C1QTNF3: variants seen among roughly 807,000 people sequenced by gnomAD.
C1QTNF3 encodes the protein C1q and TNF related 3, also known as complement C1q tumor necrosis factor-related protein 3.
In C1QTNF3, 26 loss-of-function variants were observed where a neutral mutation model predicts 32.6. The observed-to-expected ratio is 0.80, with a 90% confidence interval of 0.58 to 1.11. The LOEUF (loss-of-function observed/expected upper bound fraction) is 1.11. C1QTNF3 is among the 50% of genes least tolerant of loss of function. C1QTNF3 has a pLI of 0.00. For synonymous variants in C1QTNF3, 155 were observed against 146.0 expected (o/e 1.06, Z -0.44); for missense variants, 362 against 398.2 (o/e 0.91, Z 0.77).
At chr5:34,114,431 A>G in the C1QTNF3 span, among the ~76,000 whole-genome samples, 7 of 152,286 alleles carry the variant, frequency 4.6e-5, no homozygotes, top group East Asian at 1.3e-3. Context: ...TCAGTCTCAT[A>G]TTTTGTTTCA....
the C1QTNF3 span, among the ~76,000 whole-genome samples, chr5:34,231,008 A>C: frequency 6.6e-6 from 1 of 152,106 alleles, no homozygotes; most frequent in South Asian, 2.1e-4. Flanking sequence ...GCTCAATTTC[A>C]ATCAGCTACT....
the C1QTNF3 span, among the ~76,000 whole-genome samples, chr5:34,075,002 T>C: frequency 6.6e-6 from 1 of 151,886 alleles, no homozygotes; most frequent in African/African-American, 2.4e-5. Flanking sequence ...CTGCATTCAA[T>C]TTAAACCTGT....
the C1QTNF3 span, chr5:34,219,877 T>C: frequency 6.6e-6 from 1 of 152,146 alleles, no homozygotes; most frequent in Non-Finnish European, 1.5e-5. Context: ...GGGGCTATAC[T>C]AATAAACAAG....
chr5:34,208,652 GTC>G, the C1QTNF3 span, among the ~76,000 whole-genome samples: 1 of 151,788 alleles, frequency 6.6e-6, no homozygotes, highest in South Asian at 2.1e-4. Context: ...TCCCAAAATT[GTC>G]TCTCAAAATA....
the C1QTNF3 span, among the ~76,000 whole-genome samples, chr5:34,153,846 T>A: frequency 1.6e-5 from 1 of 62,652 alleles, no homozygotes; most frequent in Non-Finnish European, 3.3e-5. Context: ...CCCTAAAACT[T>A]AGAGTATAAA....
chr5:34,164,358 C>G, the C1QTNF3 span, among the ~76,000 whole-genome samples: 1 of 152,054 alleles, frequency 6.6e-6, no homozygotes, highest in African/African-American at 2.4e-5. Context: ...TAGAATAAAA[C>G]ATCATCTTTC....
the C1QTNF3 span, among the ~76,000 whole-genome samples, chr5:34,056,454 G>GTATATATATATATA: frequency 1.0e-4 from 5 of 48,962 alleles, no homozygotes; most frequent in East Asian, 9.8e-4. Context: ...GTGTGTGTGT[G>GTATATATATATATA]TATATATATA....
rs34392743 is a variant in C1QTNF3, at chr5:34,017,884, TAA to T, written c.*2697_*2698del. 6.6e-6 allele frequency among the ~76,000 whole-genome samples: 1 copy of T among 151,618 alleles called. No homozygotes were observed. The highest frequency in any genetic ancestry group is 2.4e-5 in the African/African-American group (1 of 41,238). On this transcript the variant is annotated 3_prime_UTR_variant, in exon 6 of 6. Coordinates refer to ENST00000382065, the MANE Select transcript of C1QTNF3 (RefSeq NM_181435.6). The stretch of plus-strand genomic sequence containing the variant: ...TATATGCACACATAGTTTATTTTTT[TAA>T]AAAGAGAATGCTCATGACATATTAT...
the C1QTNF3 span, among the ~76,000 whole-genome samples, chr5:34,092,985 A>C: frequency 2.0e-5 from 3 of 151,632 alleles, no homozygotes; most frequent in East Asian, 5.9e-4. Flanking sequence ...ATTATCTCTG[A>C]TATACTGGCA....
At chr5:34,076,863 T>C in the C1QTNF3 span, among the ~76,000 whole-genome samples, 8 of 151,490 alleles carry the variant, frequency 5.3e-5, no homozygotes, top group African/African-American at 2.0e-4. Context: ...TACTTAGCAC[T>C]CTCAGGTTAC....
At chr5:34,238,421 C>A in the C1QTNF3 span, among the ~76,000 whole-genome samples, 5 of 152,064 alleles carry the variant, frequency 3.3e-5, no homozygotes, top group East Asian at 9.7e-4. Context: ...GATGAAACTG[C>A]CATTTTAAAA....
the C1QTNF3 span, among the ~76,000 whole-genome samples, chr5:34,126,730 T>C: frequency 1.3e-5 from 2 of 150,934 alleles, no homozygotes; most frequent in African/African-American, 4.9e-5. Context: ...GAAAAGGTGG[T>C]ATATATATAC....
the C1QTNF3 span, among the ~76,000 whole-genome samples, chr5:34,199,408 GTTTGT>G: frequency 6.8e-6 from 1 of 147,356 alleles, no homozygotes; most frequent in East Asian, 2.0e-4. Flanking sequence ...TGTGCCTTGT[GTTTGT>G]TTTATTAATC....
rs958252835 is a variant in C1QTNF3, at chr5:34,020,701, G to T, written c.842C>A (p.Ala281Asp). The T allele has an allele frequency of 6.2e-7, 1 of 1,614,202 alleles. No homozygotes were observed. The highest frequency in any genetic ancestry group is 8.5e-7 in the Non-Finnish European group (1 of 1,180,026). ...KGKSDTSSNHAVLKLAKGDEV... is the reference protein window; with the variant it reads ...KGKSDTSSNHDVLKLAKGDEV... ...ATCCCCTTTGGCTAGCTTCAGCACA[G>T]CATGATTGCTGGATGTATCTGATTT... is the stretch of plus-strand genomic sequence containing the variant. Residue 281 changes from alanine (A) to aspartate (D), a missense_variant, in exon 6 of 6, where the codon GCT becomes GAT. Transcript: ENST00000382065.
the C1QTNF3 span, among the ~76,000 whole-genome samples, chr5:34,225,202 AG>A: frequency 6.6e-6 from 1 of 152,064 alleles, no homozygotes; most frequent in Admixed American, 6.6e-5. Flanking sequence ...AATGGTTAGG[AG>A]GCTATTGCAA....
At chr5:34,236,561 T>C in the C1QTNF3 span, among the ~76,000 whole-genome samples, 1 of 112,540 alleles carries the variant, frequency 8.9e-6, no homozygotes, top group Non-Finnish European at 1.9e-5. Flanking sequence ...ATTTTCTTTT[T>C]TCTTTTTTCT....
the C1QTNF3 span, among the ~76,000 whole-genome samples, chr5:34,243,116 T>C: frequency 1.3e-5 from 2 of 151,928 alleles, no homozygotes; most frequent in Non-Finnish European, 2.9e-5. Flanking sequence ...TTCCTGCACA[T>C]GTACCCCAGA....
the C1QTNF3 span, among the ~76,000 whole-genome samples, chr5:34,056,506 AGAGAGAGAG>A: frequency 2.1e-5 from 3 of 140,056 alleles, no homozygotes; most frequent in Admixed American, 7.3e-5. Context: ...AGAGAGAGAG[AGAGAGAGAG>A]AGAGAGAGAG....
chr5:34,022,937 G>A (rs1294338684), intron 5 of C1QTNF3, among the ~76,000 whole-genome samples: 1 of 152,126 alleles, frequency 6.6e-6, no homozygotes, highest in Non-Finnish European at 1.5e-5. Flanking sequence ...CTTACTGCAA[G>A]TTCCGCCTCC....
Sources: gnomAD v4.1 joint callset for allele counts (sites outside exome capture counted in the v4.1 genomes callset) on GRCh38, gnomAD v4.1.1 for gene constraint, MANE v1.5 for transcripts, NCBI Gene and HGNC (gene_info 2026-07-23, HGNC 2026-07-21) for gene names.